Variants in MARCHF8 observed in about 807,000 individuals in gnomAD.
MARCHF8 encodes membrane associated ring-CH-type finger 8.
Under a neutral mutation model 51.6 loss-of-function variants are expected in MARCHF8, and 40 were observed. The observed-to-expected ratio is 0.77, with a 90% CI of 0.60 to 1.01. The LOEUF (loss-of-function observed/expected upper bound fraction) is 1.01, where lower values mean the gene tolerates loss of function less well. Ranked by LOEUF, MARCHF8 falls within the 50% of genes least tolerant of loss-of-function variation. MARCHF8 has a pLI of 0.00. For missense variants in MARCHF8, 685 were observed against 708.6 expected, an observed-to-expected ratio of 0.97 and a Z score of 0.38; for synonymous variants, 263 against 280.3, an observed-to-expected ratio of 0.94 and a Z score of 0.62.
chr10:45,481,099 T>C (rs2042877457), intron 3 of MARCHF8, among the ~76,000 whole-genome samples: 1 of 152,220 alleles, frequency 6.6e-6, no homozygotes, highest in African/African-American at 2.4e-5. Flanking sequence ...CTTTGGAGCT[T>C]TAAGAATGGA....
chr10:45,536,910 TAATC>T (rs2043980516), upstream of MARCHF8, among the ~76,000 whole-genome samples: 4 of 150,430 alleles, frequency 2.7e-5, 1 homozygote, highest in South Asian at 8.3e-4. Flanking sequence ...AAAAATGGGT[TAATC>T]AACATCATTA....
At chr10:45,539,879 A>C (rs2044026472), upstream of MARCHF8, among the ~76,000 whole-genome samples, 1 of 152,246 alleles carries the variant, frequency 6.6e-6, no homozygotes, top group African/African-American at 2.4e-5. Context: ...TCAATGTGCA[A>C]AAATCACAAG....
intron 7 of MARCHF8, 85 bp from the exon 8 acceptor site, chr10:45,458,628 C>A (rs372879916): frequency 7.4e-7 from 1 of 1,346,646 alleles, no homozygotes; most frequent in African/African-American, 1.5e-5. Context: ...CCATAATCAA[C>A]TGATTCTTTG....
intron 2 of MARCHF8, among the ~76,000 whole-genome samples, chr10:45,511,653 G>A (rs554577643): frequency 7.2e-4 from 109 of 152,330 alleles, no homozygotes; most frequent in East Asian, 3.3e-3. Flanking sequence ...CGAGTGATCC[G>A]CCAGCCTCGG....
chr10:45,533,342 T>A, intron 1 of MARCHF8, 53 bp from the exon 2 acceptor site: 6 of 1,157,406 alleles, frequency 5.2e-6, no homozygotes, highest in Non-Finnish European at 6.8e-6. Flanking sequence ...CACTTTAAAT[T>A]TCCAAGAGTG....
chr10:45,558,864 T>G (rs2044280365), intron 1 of MARCHF8, among the ~76,000 whole-genome samples: 1 of 152,308 alleles, frequency 6.6e-6, no homozygotes, highest in Admixed American at 6.5e-5. Context: ...AAACTTCTAT[T>G]TTGAATAAAT....
At chr10:45,562,947 T>G (rs1397975762) in intron 1 of MARCHF8, among the ~76,000 whole-genome samples, 3 of 128,602 alleles carry the variant, frequency 2.3e-5, no homozygotes, top group Admixed American at 7.7e-5. Flanking sequence ...TATATGTGGG[T>G]TTTTTTTTTT....
At chr10:45,529,581 A>C (rs949150551) in intron 2 of MARCHF8, among the ~76,000 whole-genome samples, 1 of 152,198 alleles carries the variant, frequency 6.6e-6, no homozygotes, top group African/African-American at 2.4e-5. Context: ...ATCTTACAAA[A>C]AGCTAATTTG....
chr10:45,518,505 G>A (rs2043655593), intron 2 of MARCHF8, among the ~76,000 whole-genome samples: 1 of 152,142 alleles, frequency 6.6e-6, no homozygotes, highest in South Asian at 2.1e-4. Context: ...TCCCTGCCTA[G>A]ACTACTGCTC....
At chr10:45,513,682 C>T (rs764492706) in intron 2 of MARCHF8, among the ~76,000 whole-genome samples, 5 of 151,730 alleles carry the variant, frequency 3.3e-5, no homozygotes, top group African/African-American at 7.3e-5. Flanking sequence ...TTAACAGAGA[C>T]GGCATCCACA....
intron 1 of MARCHF8, among the ~76,000 whole-genome samples, chr10:45,587,227 T>C (rs2044628163): frequency 6.6e-6 from 1 of 152,102 alleles, no homozygotes; most frequent in Non-Finnish European, 1.5e-5. Flanking sequence ...AACTAGTAAG[T>C]GGATTCAGAA....
intron 3 of MARCHF8, among the ~76,000 whole-genome samples, chr10:45,475,499 G>T (rs2042771518): frequency 6.6e-6 from 1 of 152,168 alleles, no homozygotes; most frequent in African/African-American, 2.4e-5. Context: ...TGGAACCTGA[G>T]CATACTGCCT....
intron 1 of MARCHF8, among the ~76,000 whole-genome samples, chr10:45,583,022 CATA>C: frequency 6.6e-6 from 1 of 152,134 alleles, no homozygotes; most frequent in Non-Finnish European, 1.5e-5. Flanking sequence ...GAAGGCAATG[CATA>C]ATATTTAAAG....
At chr10:45,565,850 T>C (rs1207658423) in intron 1 of MARCHF8, among the ~76,000 whole-genome samples, 2 of 152,208 alleles carry the variant, frequency 1.3e-5, no homozygotes, top group African/African-American at 4.8e-5. Context: ...AGCTGAGCAA[T>C]ACATAATCTT....
chr10:45,520,044 C>A (rs142377169), intron 2 of MARCHF8, among the ~76,000 whole-genome samples: 126 of 152,302 alleles, frequency 8.3e-4, no homozygotes, highest in Non-Finnish European at 1.4e-3. Context: ...GCAGCAGTGA[C>A]CCAAGACTCA....
chr10:45,547,614 G>T (rs1023155677), intron 1 of MARCHF8, among the ~76,000 whole-genome samples: 25 of 152,192 alleles, frequency 1.6e-4, no homozygotes, highest in African/African-American at 2.4e-4. Context: ...ATATGTAGCG[G>T]TTTTTTTGTT....
At chr10:45,507,952 T>C (rs932412987) in intron 2 of MARCHF8, among the ~76,000 whole-genome samples, 20 of 152,330 alleles carry the variant, frequency 1.3e-4, no homozygotes, top group South Asian at 4.1e-4. Flanking sequence ...TAGTAAGAGA[T>C]TGTAAGATAT....
At chr10:45,568,116 GTTAA>G (rs2044385212) in intron 1 of MARCHF8, among the ~76,000 whole-genome samples, 2 of 152,064 alleles carry the variant, frequency 1.3e-5, no homozygotes, top group African/African-American at 4.8e-5. Flanking sequence ...ATTTTGGTAC[GTTAA>G]TTTTGTATCC....
chr10:45,533,115 C>A lies in MARCHF8; in HGVS notation c.97G>T (p.Glu33Ter). 3 of 1,603,388 alleles carry A rather than the reference C, an allele frequency of 1.9e-6. No homozygotes were observed. Among genetic ancestry groups the A allele is most frequent in the Non-Finnish European group, 2.6e-6 (3 of 1,176,360 alleles). ...AAAAGATACTCTCCCAGTACCTGTTCTTCCCTCTCCTTTTCTTTGGTCTTA... is the reference window on the plus strand; with the variant it reads ...AAAAGATACTCTCCCAGTACCTGTTATTCCCTCTCCTTTTCTTTGGTCTTA... ...RSKTKEKERE[E>*]QNEKTLGHFM... The change falls in exon 2 of 8, where the codon GAA becomes TAA. Residue 33 changes from glutamate (E) to a stop codon, truncating the protein, a stop_gained. Coordinates refer to ENST00000453424, the MANE Select transcript of MARCHF8 (RefSeq NM_001282866.2). LOFTEE classifies it high-confidence loss of function.
Sources: allele counts gnomAD v4.1 joint callset (sites outside exome capture counted in the v4.1 genomes callset), GRCh38; gene constraint gnomAD v4.1.1; transcripts MANE v1.5; gene names NCBI Gene and HGNC (gene_info 2026-07-23, HGNC 2026-07-21).